LARP1: variants seen among roughly 807,000 people sequenced by gnomAD.
LARP1 encodes the protein la-related protein 1.
In LARP1, 36 loss-of-function variants were observed where a neutral mutation model predicts 122.7. The ratio of observed to expected loss-of-function variants is 0.29; its 90% CI spans 0.22 to 0.39. The LOEUF (loss-of-function observed/expected upper bound fraction) is 0.39, where lower values mean the gene tolerates loss of function less well. Ranked by LOEUF, LARP1 falls within the 10% of genes least tolerant of loss-of-function variation. The pLI is 1.00. For missense variants in LARP1, 1,040 were observed against 1,403.6 expected (o/e 0.74, Z 4.14); for synonymous variants, 539 against 528.7 (o/e 1.02, Z -0.27).
intron 1 of LARP1, among the ~76,000 whole-genome samples, chr5:154,697,940 C>T (rs1210974911): frequency 6.6e-6 from 1 of 152,158 alleles, no homozygotes; most frequent in Non-Finnish European, 1.5e-5. Flanking sequence ...ATCCTCTCGC[C>T]TCAGTCTCCC....
intron 1 of LARP1, among the ~76,000 whole-genome samples, chr5:154,684,886 A>C (rs1753853530): frequency 6.6e-6 from 1 of 152,200 alleles, no homozygotes; most frequent in Non-Finnish European, 1.5e-5. Flanking sequence ...TGGGCAGTGA[A>C]ACCCAGAAAT....
intron 1 of LARP1, among the ~76,000 whole-genome samples, chr5:154,695,626 C>T (rs983646819): frequency 1.3e-5 from 2 of 151,992 alleles, no homozygotes; most frequent in African/African-American, 2.4e-5. Context: ...CACTGCATTC[C>T]GGCCTGGAAG....
intron 1 of LARP1, among the ~76,000 whole-genome samples, chr5:154,770,959 A>C (rs1463596206): frequency 6.6e-6 from 1 of 152,002 alleles, no homozygotes; most frequent in Non-Finnish European, 1.5e-5. Context: ...CAAAAATACA[A>C]AAATTAGCCA....
At chr5:154,701,299 G>T (rs1561533710) in intron 1 of LARP1, among the ~76,000 whole-genome samples, 2 of 152,186 alleles carry the variant, frequency 1.3e-5, no homozygotes. Flanking sequence ...TTGTCTGACA[G>T]AATTGATGTT....
rs1209138854 is a variant in LARP1 at position 154,803,416 on chromosome 5, G to A, written c.2233+3G>A. On this transcript the variant is annotated splice_donor_region_variant and intron_variant, in intron 12 of 18. Coordinates refer to ENST00000518297, the MANE Select transcript of LARP1 (RefSeq NM_033551.3). The surrounding 1 kb of genome is among the most constrained non-coding windows in gnomAD (Gnocchi z 4.4). ...TGGGCCACCTCGGTTCCAGCAAGGTGAGAAGCAGACACCTGAGATCCTGAC... is the reference window on the plus strand; with the variant it reads ...TGGGCCACCTCGGTTCCAGCAAGGTAAGAAGCAGACACCTGAGATCCTGAC... 3 of 1,614,160 alleles carry A rather than the reference G, an allele frequency of 1.9e-6. No homozygotes were observed.
At chr5:154,694,988 C>T (rs1171562362) in intron 1 of LARP1, among the ~76,000 whole-genome samples, 1 of 152,000 alleles carries the variant, frequency 6.6e-6, no homozygotes, top group Middle Eastern at 3.2e-3. Context: ...AGGCGTGAGC[C>T]ACTGCACCTG....
rs144826789 is a variant in LARP1 at position 154,775,065 on chromosome 5, T to C, written c.437-15260T>C. On this transcript the variant is annotated intron_variant, in intron 1 of 18. Transcript: ENST00000518297. ...GGCTCACACCTGTAATCCCAGCGCT[T>C]TGGGAAGCCAGGGCAAGAGGATCAC... Among the ~76,000 whole-genome samples, 381 of 152,136 alleles carry C rather than the reference T, an allele frequency of 2.5e-3. 1 individual carries two copies. The highest frequency in any genetic ancestry group is 9.0e-3 in the African/African-American group (374 of 41,482).
intron 15 of LARP1, among the ~76,000 whole-genome samples, chr5:154,807,917 A>G (rs1447545766): frequency 6.6e-6 from 1 of 152,120 alleles, no homozygotes; most frequent in African/African-American, 2.4e-5. Context: ...TTTATCAAAT[A>G]CGTGATTTGC....
chr5:154,789,092 T>C (rs1757124366), intron 1 of LARP1, among the ~76,000 whole-genome samples: 1 of 151,554 alleles, frequency 6.6e-6, no homozygotes, highest in Admixed American at 6.6e-5. Context: ...GCACTTGCAG[T>C]CCCAGCTACT....
Position 154,755,657 on chromosome 5 carries a change from G to T in LARP1, c.-101G>T. 1.0e-6 allele frequency: 1 copy of T among 987,664 alleles called. No homozygotes were observed. The highest frequency in any genetic ancestry group is 1.2e-6 in the Non-Finnish European group (1 of 830,202). The allele number at this position is 987,664 out of a possible 1,614,324, so 61.2% of individuals were successfully genotyped here. A position where few individuals can be genotyped will look rare whatever the true frequency, so the allele number is the denominator to read the frequency against. ...CCTTCTCTGCAGGGACTGGGGCCCA[G>T]CGCCCCGGAGGAAGGCGTCGCGGGC... On this transcript the variant is annotated 5_prime_UTR_variant, in exon 1 of 19. Coordinates refer to ENST00000518297, the MANE Select transcript of LARP1 (RefSeq NM_033551.3).
chr5:154,763,979 C>T (rs1754694369), intron 1 of LARP1, among the ~76,000 whole-genome samples: 1 of 150,984 alleles, frequency 6.6e-6, no homozygotes, highest in Non-Finnish European at 1.5e-5. Flanking sequence ...TGTGTCACTG[C>T]ACTCCAGCCT....
At chr5:154,801,823 A>C (rs1758374847) in intron 10 of LARP1, among the ~76,000 whole-genome samples, 184 bp from the exon 11 acceptor site, 1 of 152,158 alleles carries the variant, frequency 6.6e-6, no homozygotes. Flanking sequence ...CTTCTATGAA[A>C]CATCCTTTCT....
intron 7 of LARP1, 148 bp from the exon 8 acceptor site, chr5:154,795,027 G>A (rs755415674): frequency 4.4e-5 from 32 of 721,736 alleles, no homozygotes; most frequent in Non-Finnish European, 7.0e-5. Flanking sequence ...TTTCTTTTCA[G>A]CCCTCAACAC....
At chr5:154,778,450 AT>A (rs1315618628) in intron 1 of LARP1, among the ~76,000 whole-genome samples, 1 of 152,118 alleles carries the variant, frequency 6.6e-6, no homozygotes, top group Non-Finnish European at 1.5e-5. Context: ...TGAGCAAAAA[AT>A]CTCTGAAGGA....
At chr5:154,777,761 G>GT (rs1271839270) in intron 1 of LARP1, among the ~76,000 whole-genome samples, 1 of 152,150 alleles carries the variant, frequency 6.6e-6, no homozygotes, top group Non-Finnish European at 1.5e-5. Context: ...TTACCCTGAT[G>GT]TGATTATTAT....
chr5:154,789,805 T>C (rs1029995045), intron 1 of LARP1, among the ~76,000 whole-genome samples: 16 of 152,340 alleles, frequency 1.1e-4, no homozygotes, highest in Admixed American at 9.8e-4. Flanking sequence ...CAAAAATGTT[T>C]CCTGAGCAGC....
At chr5:154,797,393 C>T (rs920372493) in intron 8 of LARP1, among the ~76,000 whole-genome samples, 6 of 151,676 alleles carry the variant, frequency 4.0e-5, no homozygotes, top group African/African-American at 1.5e-4. Flanking sequence ...ACCACCACAC[C>T]CAGCTAATTT....
chr5:154,753,133 C>T (rs1355009825), upstream of LARP1, among the ~76,000 whole-genome samples: 1 of 152,142 alleles, frequency 6.6e-6, no homozygotes, highest in African/African-American at 2.4e-5. Context: ...ACAGTGCCCT[C>T]GTACCCTCAC....
At chr5:154,705,093 G>T (rs969285932) in intron 1 of LARP1, among the ~76,000 whole-genome samples, 1 of 149,256 alleles carries the variant, frequency 6.7e-6, no homozygotes, top group Admixed American at 6.7e-5. Flanking sequence ...ACTCCAGCCT[G>T]GGCGACAGAT....
Sources: allele counts gnomAD v4.1 joint callset (sites outside exome capture counted in the v4.1 genomes callset), GRCh38; gene constraint gnomAD v4.1.1; non-coding constraint Gnocchi (gnomAD v3.1); transcripts MANE v1.5; gene names NCBI Gene and HGNC (gene_info 2026-07-23, HGNC 2026-07-21).